The following TMEM164 variants were observed in gnomAD, a reference collection of about 807,000 sequenced individuals.
TMEM164 encodes transmembrane protein 164.
Under a neutral mutation model 18.8 loss-of-function variants are expected in TMEM164, and 4 were observed. The ratio of observed to expected loss-of-function variants is 0.21; its 90% confidence interval spans 0.10 to 0.49. The LOEUF (loss-of-function observed/expected upper bound fraction) is 0.49, where lower values mean the gene tolerates loss of function less well. Among genes scored for constraint, TMEM164 ranks in the 20% least tolerant of loss-of-function variants. TMEM164 has a pLI of 0.98. For missense variants in TMEM164, 108 were observed against 239.9 expected, an observed-to-expected ratio of 0.45 and a Z score of 3.63; for synonymous variants, 86 against 101.7, an observed-to-expected ratio of 0.85 and a Z score of 0.93.
downstream of TMEM164, among the ~76,000 whole-genome samples, chrX:110,178,669 A>G (rs757589985): frequency 2.7e-5 from 3 of 112,174 alleles, no homozygotes; most frequent in African/African-American, 9.7e-5. Context: ...GCAGCCTAGA[A>G]AAGTCACTTA....
chrX:110,160,495 T>G (rs1264882770), intron 5 of TMEM164, among the ~76,000 whole-genome samples: 1 of 112,474 alleles, frequency 8.9e-6, no homozygotes, highest in Non-Finnish European at 1.9e-5. Flanking sequence ...TTTAAAAATA[T>G]TTTGGTAACT....
At chrX:110,124,960 A>G (rs2066509239) in intron 4 of TMEM164, among the ~76,000 whole-genome samples, 1 of 112,417 alleles carries the variant, frequency 8.9e-6, no homozygotes, top group African/African-American at 3.2e-5. Flanking sequence ...TACCATTATC[A>G]TACCTATAAT....
chrX:110,165,475 C>T (rs1446645195), intron 5 of TMEM164, among the ~76,000 whole-genome samples: 3 of 112,516 alleles, frequency 2.7e-5, no homozygotes, highest in African/African-American at 9.7e-5. Context: ...CCTAGCTTTA[C>T]GATTGCCTCT....
chrX:110,011,038 A>G (rs1932972532), intron 2 of TMEM164, among the ~76,000 whole-genome samples: 2 of 111,713 alleles, frequency 1.8e-5, no homozygotes, highest in South Asian at 7.5e-4. Flanking sequence ...GTTGTTTTAG[A>G]TGTTCGTGGG....
At chrX:110,027,609 A>T (rs992513998) in intron 2 of TMEM164, among the ~76,000 whole-genome samples, 40 of 109,436 alleles carry the variant, frequency 3.7e-4, no homozygotes, top group African/African-American at 1.3e-3. Flanking sequence ...AAAATACAAA[A>T]ATTAGCTGGG....
intron 5 of TMEM164, among the ~76,000 whole-genome samples, chrX:110,148,694 T>C (rs1299106250): frequency 1.1e-5 from 1 of 94,384 alleles, no homozygotes; most frequent in East Asian, 3.1e-4. Flanking sequence ...TTTTTTTTTT[T>C]TTTTTGTATT....
intron 3 of TMEM164, among the ~76,000 whole-genome samples, chrX:110,069,122 C>T (rs2065545075): frequency 9.0e-6 from 1 of 111,171 alleles, no homozygotes; most frequent in Non-Finnish European, 1.9e-5. Flanking sequence ...TTTGTATATA[C>T]CCTTATATAC....
chrX:110,101,144 G>A (rs1236701201), intron 3 of TMEM164, among the ~76,000 whole-genome samples: 1 of 110,768 alleles, frequency 9.0e-6, no homozygotes, highest in Non-Finnish European at 1.9e-5. Flanking sequence ...CTGTTTAATT[G>A]ATTGATGTGT....
intron 3 of TMEM164, among the ~76,000 whole-genome samples, chrX:110,077,111 T>C (rs1363417233): frequency 8.9e-6 from 1 of 112,256 alleles, no homozygotes; most frequent in Admixed American, 9.5e-5. Flanking sequence ...GGTTTCAAAG[T>C]ATGTGTTTTA....
chrX:110,149,465 C>A (rs1404766044), intron 5 of TMEM164, among the ~76,000 whole-genome samples: 1 of 111,988 alleles, frequency 8.9e-6, no homozygotes, highest in African/African-American at 3.3e-5. Context: ...GTATTGATCA[C>A]TCCGTTTTGG....
At chrX:110,135,601 G>A (rs188850361) in intron 4 of TMEM164, among the ~76,000 whole-genome samples, 11 of 110,871 alleles carry the variant, frequency 9.9e-5, no homozygotes, top group African/African-American at 3.3e-4. Context: ...TTTCTTCTTC[G>A]GTGTACTGTA....
chrX:110,066,349 A>G (rs1936342327), intron 2 of TMEM164, among the ~76,000 whole-genome samples: 1 of 112,269 alleles, frequency 8.9e-6, no homozygotes, highest in Non-Finnish European at 1.9e-5. Context: ...TTAAGTCACT[A>G]CAGGTGAAGA....
At position 110,048,573 on chromosome X, in the gene TMEM164, T is replaced by C. The variant is rs772072062; in HGVS notation, c.391-18774T>C. Among the ~76,000 whole-genome samples, 7 of 110,785 alleles carry C rather than the reference T, an allele frequency of 6.3e-5. No homozygotes were observed. In the South Asian group the frequency reaches 2.3e-3, roughly 37 times the overall value. On this transcript the variant is annotated intron_variant, in intron 2 of 6. Transcript: ENST00000372068. ...TAGAGGGGCCAAGTTTTTTTTTTTT[T>C]CCAAGTCCATAGCAGCTGTTTTGGA...
chrX:110,044,149 A>G (rs781568771), intron 2 of TMEM164, among the ~76,000 whole-genome samples: 20 of 112,617 alleles, frequency 1.8e-4, no homozygotes, highest in African/African-American at 5.5e-4. Flanking sequence ...ACGAAAATCC[A>G]TGAGCACTGG....
At chrX:110,059,525 A>T (rs933893886) in intron 2 of TMEM164, among the ~76,000 whole-genome samples, 14 of 111,603 alleles carry the variant, frequency 1.3e-4, no homozygotes, top group Non-Finnish European at 2.6e-4. Context: ...TGGGATTCTG[A>T]TACGTACTGT....
At chrX:110,045,768 C>G (rs1401286827) in intron 2 of TMEM164, among the ~76,000 whole-genome samples, 2 of 111,915 alleles carry the variant, frequency 1.8e-5, no homozygotes, top group Non-Finnish European at 3.8e-5. Flanking sequence ...CATGACAGTT[C>G]ATGTCCTAGC....
chrX:110,006,616 G>T (rs150794290), intron 2 of TMEM164, among the ~76,000 whole-genome samples: 9 of 111,350 alleles, frequency 8.1e-5, no homozygotes, highest in African/African-American at 2.6e-4. Flanking sequence ...AACAGCAGAT[G>T]GTTGGAAATA....
intron 2 of TMEM164, among the ~76,000 whole-genome samples, chrX:110,010,521 T>C (rs1416233967): frequency 2.7e-5 from 3 of 112,793 alleles, no homozygotes; most frequent in African/African-American, 9.7e-5. Context: ...TACCTTGTTC[T>C]CTACATGGTG....
At position 110,058,935 on chromosome X, in the gene TMEM164, A is replaced by T. The variant is rs184080014; in HGVS notation, c.391-8412A>T. The stretch of plus-strand genomic sequence containing the variant: ...TGTGAGCCACCATGCTCAGTCTGGG[A>T]TGTCTTTTCACTTTCTTAATAGTGT... On this transcript the variant is annotated intron_variant, in intron 2 of 6. Transcript: ENST00000372068. 3.8e-3 allele frequency among the ~76,000 whole-genome samples: 418 copies of T among 109,735 alleles called. 1 individual carries two copies. In the South Asian group the frequency reaches 0.039, roughly 10 times the overall value.
Sources: gnomAD v4.1 joint callset for allele counts (sites outside exome capture counted in the v4.1 genomes callset) on GRCh38, gnomAD v4.1.1 for gene constraint, MANE v1.5 for transcripts, NCBI Gene and HGNC (gene_info 2026-07-23, HGNC 2026-07-21) for gene names.